ZSCAN20: variants seen among roughly 807,000 people sequenced by gnomAD.
ZSCAN20 encodes zinc finger and SCAN domain containing 20.
In ZSCAN20, 39 loss-of-function variants were observed where a neutral mutation model predicts 97.1. That is an observed-to-expected ratio of 0.40 (90% CI 0.31 to 0.52). The LOEUF (loss-of-function observed/expected upper bound fraction) is 0.52. Among genes scored for constraint, ZSCAN20 ranks in the 20% least tolerant of loss-of-function variants. The probability of loss-of-function intolerance (pLI) is 0.49; values close to 1 mark genes in which losing one functional copy is unlikely to be tolerated. For missense variants in ZSCAN20, 1,115 were observed against 1,290.4 expected (o/e 0.86, Z 2.08); for synonymous variants, 456 against 467.3 (o/e 0.98, Z 0.31).
chr1:33,481,532 A>T (rs576456029), intron 2 of ZSCAN20, among the ~76,000 whole-genome samples: 1 of 152,146 alleles, frequency 6.6e-6, no homozygotes, highest in Admixed American at 6.5e-5. Flanking sequence ...GTGGTCACAA[A>T]TTTCAAAACA....
In ZSCAN20 at chr1:33,499,819, A is replaced by G. The variant is rs1486678492; in HGVS notation, c.*4343A>G. ...CTTGTGTTGCCCAGGCTGGTCTTGA[A>G]CTCCTGGCCTCAAGCGATCCTCCCA... On this transcript the variant is annotated 3_prime_UTR_variant, in exon 8 of 8. Coordinates refer to ENST00000684572, the MANE Select transcript of ZSCAN20 (RefSeq NM_001377376.1). Among the ~76,000 whole-genome samples the G allele has an allele frequency of 2.7e-5, 4 of 150,496 alleles. No homozygotes were observed. The highest frequency in any genetic ancestry group is 5.9e-5 in the Non-Finnish European group (4 of 67,574).
At chr1:33,488,754 C>T (rs1652472149) in intron 3 of ZSCAN20, 103 bp downstream of exon 3, 2 of 1,250,668 alleles carry the variant, frequency 1.6e-6, no homozygotes, top group African/African-American at 1.5e-5. Context: ...GAATTCAAAG[C>T]AAGGGATAGG....
At position 33,493,526 on chromosome 1, in the gene ZSCAN20, C is replaced by T; in HGVS notation, c.1784C>T (p.Ala595Val). ...CTCCCTAGGTGTGGGCAGAGTAGTG[C>T]TGAGACTGATGCCCAGGAGGCCTGG... ...AGLPRCGQSS[A>V]ETDAQEAWGE... Residue 595 changes from alanine to valine, a missense_variant, in exon 7 of 8, where the codon GCT becomes GTT. This residue lies in a region of ZSCAN20 where 554 missense variants were observed against 584.9 expected (regional missense o/e 0.95). Coordinates refer to ENST00000684572, the MANE Select transcript of ZSCAN20 (RefSeq NM_001377376.1). The surrounding 1 kb of genome is among the most constrained non-coding windows in gnomAD (Gnocchi z 4.3). 1.2e-6 allele frequency: 2 copies of T among 1,613,648 alleles called. No individual in the cohort carries two copies. The highest frequency in any genetic ancestry group is 1.1e-5 in the South Asian group (1 of 91,066).
chr1:33,488,727 G>A, intron 3 of ZSCAN20, 76 bp downstream of exon 3: 4 of 1,490,218 alleles, frequency 2.7e-6, no homozygotes, highest in Non-Finnish European at 3.6e-6. Context: ...AGGGTGCATG[G>A]GGAAGAAGGA....
intron 2 of ZSCAN20, among the ~76,000 whole-genome samples, chr1:33,481,457 T>C (rs1652153424): frequency 6.6e-6 from 1 of 152,206 alleles, no homozygotes. Flanking sequence ...TGGAATCTTG[T>C]CTATTATGTA....
intron 1 of ZSCAN20, among the ~76,000 whole-genome samples, chr1:33,478,392 G>A (rs549672343): frequency 6.6e-6 from 1 of 152,242 alleles, no homozygotes; most frequent in South Asian, 2.1e-4. Flanking sequence ...GGTTTCTGGT[G>A]TGGAGAACTT....
rs1184868984 is a variant in ZSCAN20, at chr1:33,497,770, A to G, written c.*2294A>G. Among the ~76,000 whole-genome samples, 3 of 152,140 alleles carry G rather than the reference A, an allele frequency of 2.0e-5. No individual in the cohort carries two copies. The highest frequency in any genetic ancestry group is 4.4e-5 in the Non-Finnish European group (3 of 68,020). ...GAGGCAGAGGGGAGGACATCAGAGG[A>G]AAGCTAGAATGCCTTTGGTGACTGG... On this transcript the variant is annotated 3_prime_UTR_variant, in exon 8 of 8. Transcript: ENST00000684572.
intron 2 of ZSCAN20, among the ~76,000 whole-genome samples, chr1:33,481,999 C>G (rs1276188532): frequency 6.6e-6 from 1 of 152,190 alleles, no homozygotes; most frequent in Non-Finnish European, 1.5e-5. Context: ...TGCACCAGAG[C>G]AATATGTTTA....
chr1:33,489,697 C>T lies in ZSCAN20; in HGVS notation c.766+95C>T, dbSNP rs141225391. ...TGCCGCTCCTTTAAGAATCATGGCT[C>T]TGCAGTCTCTGGAATTTCAGAAATA... On this transcript the variant is annotated intron_variant, in intron 5 of 7. Transcript: ENST00000684572. 3.0e-4 allele frequency: 335 copies of T among 1,100,844 alleles called. No homozygotes were observed. In the African/African-American group the frequency reaches 4.4e-3, roughly 15 times the overall value. 68.2% of individuals were successfully genotyped at this position (1,100,844 alleles called of 1,614,324 possible). A position where few individuals can be genotyped will look rare whatever the true frequency, so the allele number is the denominator to read the frequency against.
chr1:33,491,450 A>G lies in ZSCAN20; in HGVS notation c.1192A>G (p.Thr398Ala). Reference protein sequence around the residue: ...RKAKSSHPPGTCPFYEELEAL... With the variant: ...RKAKSSHPPGACPFYEELEAL... The stretch of plus-strand genomic sequence containing the variant: ...AGCCAAGAGCAGCCACCCACCAGGT[A>G]CCTGCCCCTTCTATGAGGAGCTGGA... Residue 398 changes from threonine (T) to alanine (A), a missense_variant, in exon 6 of 8, where the codon ACC becomes GCC. Around this residue, in one of 3 missense-constraint regions of ZSCAN20, gnomAD observed 508 missense variants for 611.2 expected, o/e 0.83. Coordinates refer to ENST00000684572, the MANE Select transcript of ZSCAN20 (RefSeq NM_001377376.1). The surrounding 1 kb of genome is among the most constrained non-coding windows in gnomAD (Gnocchi z 4.3). 1 of 1,614,200 alleles carries G rather than the reference A, an allele frequency of 6.2e-7. No individual in the cohort carries two copies. Among genetic ancestry groups the G allele is most frequent in the Non-Finnish European group, 8.5e-7 (1 of 1,180,022 alleles).
Position 33,500,226 on chromosome 1 carries a change from C to T in ZSCAN20, c.*4750C>T, listed in dbSNP as rs183991001. On this transcript the variant is annotated 3_prime_UTR_variant, in exon 8 of 8. Coordinates refer to ENST00000684572, the MANE Select transcript of ZSCAN20 (RefSeq NM_001377376.1). ...TCGGGGGGCAAAGGCAGGTTCCTTC[C>T]TTACCTTATTGTTGCTTCCCCCACC... is the stretch of plus-strand genomic sequence containing the variant. Among the ~76,000 whole-genome samples, 14 of 152,272 alleles carry T rather than the reference C, an allele frequency of 9.2e-5. No individual in the cohort carries two copies. Among genetic ancestry groups the T allele is most frequent in the Admixed American group, 7.8e-4 (12 of 15,296 alleles).
chr1:33,494,807 T>C lies in ZSCAN20; in HGVS notation c.2463T>C (p.Pro821=), dbSNP rs779966023. 6.2e-7 allele frequency: 1 copy of C among 1,614,202 alleles called. No individual in the cohort carries two copies. The highest frequency in any genetic ancestry group is 1.1e-5 in the South Asian group (1 of 91,074). The change falls in exon 8 of 8, where the codon CCT becomes CCC. Residue 821 remains proline, a synonymous_variant. Coordinates refer to ENST00000684572, the MANE Select transcript of ZSCAN20 (RefSeq NM_001377376.1). ...AGAGAATCCACTTGGGAGGAAATCC[T>C]GACCAGTGTAGTGAGCCTGGGGGAA... ...KHQRIHLGGN[P]DQCSEPGGNF...
At position 33,501,272 on chromosome 1, in the gene ZSCAN20, G is replaced by A. The variant is rs1044146664; in HGVS notation, c.*5796G>A. Among the ~76,000 whole-genome samples, 1 of 152,194 alleles carries A rather than the reference G, an allele frequency of 6.6e-6. No individual in the cohort carries two copies. The highest frequency in any genetic ancestry group is 1.5e-5 in the Non-Finnish European group (1 of 68,030). The stretch of plus-strand genomic sequence containing the variant: ...AGGGGCAGGAGCTCACGCTAAACCC[G>A]GTTGGTGTGTCCTGGAGAAGCACAG... On this transcript the variant is annotated 3_prime_UTR_variant, in exon 8 of 8. Coordinates refer to ENST00000684572, the MANE Select transcript of ZSCAN20 (RefSeq NM_001377376.1).
At position 33,487,863 on chromosome 1, in the gene ZSCAN20, G is replaced by A. The variant is rs372427712; in HGVS notation, c.418-602G>A. ...GGTGAGGGTCTGCTATGTTGCCCAG[G>A]CTGGTCTTGAACCCTTGGCATCAAG... On this transcript the variant is annotated intron_variant, in intron 2 of 7. Transcript: ENST00000684572. Among the ~76,000 whole-genome samples, 3 of 152,000 alleles carry A rather than the reference G, an allele frequency of 2.0e-5. No individual in the cohort carries two copies. The East Asian group carries it at 5.8e-4, about 29-fold the overall frequency.
In ZSCAN20 at chr1:33,501,606, C is replaced by G. The variant is rs918147562; in HGVS notation, c.*6130C>G. 5.5e-5 allele frequency among the ~76,000 whole-genome samples: 8 copies of G among 145,750 alleles called. No homozygotes were observed. The highest frequency in any genetic ancestry group is 1.8e-4 in the African/African-American group (7 of 38,652). ...CAAATCATATTTTGGGATGGAATGG[C>G]CTGATAAGTTAATAAATTATATTAA... On this transcript the variant is annotated 3_prime_UTR_variant, in exon 8 of 8. Coordinates refer to ENST00000684572, the MANE Select transcript of ZSCAN20 (RefSeq NM_001377376.1).
At chr1:33,485,949 A>AT (rs1046371856) in intron 2 of ZSCAN20, among the ~76,000 whole-genome samples, 1 of 151,856 alleles carries the variant, frequency 6.6e-6, no homozygotes, top group Non-Finnish European at 1.5e-5. Flanking sequence ...GTGCTTCTCA[A>AT]TTTTTTCCCA....
intron 6 of ZSCAN20, among the ~76,000 whole-genome samples, chr1:33,492,792 A>AG (rs1473969859): frequency 6.7e-6 from 1 of 150,302 alleles, no homozygotes; most frequent in Non-Finnish European, 1.5e-5. Flanking sequence ...AAAAAAAAAA[A>AG]AAAAGGAGAA....
rs1317777615 is a variant in ZSCAN20 at position 33,493,720 on chromosome 1, A to G, written c.1873+105A>G. 8.0e-7 allele frequency: 1 copy of G among 1,247,078 alleles called. No homozygotes were observed. 77.3% of individuals were successfully genotyped at this position (1,247,078 alleles called of 1,614,324 possible). A position where few individuals can be genotyped will look rare whatever the true frequency, so the allele number is the denominator to read the frequency against. The stretch of plus-strand genomic sequence containing the variant: ...TCTCTTAACTAAAAGAGAGAATGGG[A>G]TTGAATGGGAAAAAGTATTTCTGCT... On this transcript the variant is annotated intron_variant, in intron 7 of 7. Coordinates refer to ENST00000684572, the MANE Select transcript of ZSCAN20 (RefSeq NM_001377376.1). This position sits in a 1 kb window ranked among gnomAD's most constrained non-coding sequence, Gnocchi z 4.3.
At chr1:33,486,829 G>T (rs1380144754) in intron 2 of ZSCAN20, among the ~76,000 whole-genome samples, 1 of 152,094 alleles carries the variant, frequency 6.6e-6, no homozygotes, top group South Asian at 2.1e-4. Context: ...AGTCACACAG[G>T]ACACTGGTGG....
Sources: gnomAD v4.1 joint callset for allele counts (sites outside exome capture counted in the v4.1 genomes callset) on GRCh38, gnomAD v4.1.1 for gene constraint, gnomAD v4.1.1 regional missense constraint, Gnocchi (gnomAD v3.1) non-coding constraint, MANE v1.5 for transcripts, NCBI Gene and HGNC (gene_info 2026-07-23, HGNC 2026-07-21) for gene names.